The following PVT1 variants were observed in gnomAD, a reference collection of about 807,000 sequenced individuals.
PVT1 encodes Pvt1 oncogene.
chr8:127,944,644 G>T (rs561274362), intron 3 of PVT1, among the ~76,000 whole-genome samples: 2 of 152,062 alleles, frequency 1.3e-5, no homozygotes, highest in East Asian at 3.9e-4. Context: ...GACAAAAGCA[G>T]CCAGCCAGCT....
chr8:127,980,432 G>A (rs1816870146), intron 3 of PVT1, among the ~76,000 whole-genome samples: 1 of 152,092 alleles, frequency 6.6e-6, no homozygotes, highest in South Asian at 2.1e-4. Context: ...GCATACTGGG[G>A]GCGTGACTTC....
At position 127,812,104 on chromosome 8, in the gene PVT1, G is replaced by A. The variant is rs542120453; in HGVS notation, n.372+16033G>A. Among the ~76,000 whole-genome samples the A allele has an allele frequency of 9.3e-5, 13 of 139,704 alleles. No homozygotes were observed. The South Asian group carries it at 2.7e-3, about 29-fold the overall frequency. The allele number at this position is 139,704 out of a possible 152,430, so 91.7% of individuals were successfully genotyped here. A position where few individuals can be genotyped will look rare whatever the true frequency, so the allele number is the denominator to read the frequency against. On this transcript the variant is annotated intron_variant and non_coding_transcript_variant, in intron 2 of 10. Transcript: ENST00000651587. ...AGCCTGGGTGACAGGGTGAGACATC[G>A]TCTCAAAAGAAAAGAAAGGAAAAGA...
At chr8:127,826,999 T>TTTTA (rs1362798935) in intron 2 of PVT1, among the ~76,000 whole-genome samples, 2 of 143,778 alleles carry the variant, frequency 1.4e-5, no homozygotes, top group Non-Finnish European at 3.0e-5. Flanking sequence ...TTTCTCTTTT[T>TTTTA]TTTTTTTTTT....
At chr8:128,040,080 T>C (rs1813512963) in intron 4 of PVT1, among the ~76,000 whole-genome samples, 1 of 152,190 alleles carries the variant, frequency 6.6e-6, no homozygotes, top group Non-Finnish European at 1.5e-5. Flanking sequence ...GACATCCAAG[T>C]GGAGACAGTA....
At chr8:127,956,000 T>C (rs1486121317) in intron 3 of PVT1, among the ~76,000 whole-genome samples, 1 of 152,272 alleles carries the variant, frequency 6.6e-6, no homozygotes, top group Non-Finnish European at 1.5e-5. Context: ...AGTTGGCCTC[T>C]AGGCCTTTGA....
At chr8:127,861,568 T>G (rs1299338781) in intron 2 of PVT1, among the ~76,000 whole-genome samples, 1 of 152,208 alleles carries the variant, frequency 6.6e-6, no homozygotes. Flanking sequence ...ATGTTTTTTT[T>G]TTTAACTTAT....
At position 128,013,607 on chromosome 8, in the gene PVT1, A is replaced by G. The variant is rs1817339644; in HGVS notation, n.912+24316A>G. On this transcript the variant is annotated intron_variant and non_coding_transcript_variant, in intron 4 of 10. Transcript: ENST00000651587. Reference sequence around the variant, plus strand: ...TGAACTTTGAAGAGGACAGATGATGACAAGAGGAAGTGGAAATAGGCTAGG... The same window carrying G: ...TGAACTTTGAAGAGGACAGATGATGGCAAGAGGAAGTGGAAATAGGCTAGG... Among the ~76,000 whole-genome samples the G allele has an allele frequency of 1.3e-5, 2 of 152,244 alleles. 1 individual carries two copies. Among genetic ancestry groups the G allele is most frequent in the South Asian group, 4.1e-4 (2 of 4,832 alleles).
chr8:127,925,931 G>A (rs148414059), intron 3 of PVT1, among the ~76,000 whole-genome samples: 1,562 of 152,318 alleles, frequency 0.01, 26 homozygotes, highest in African/African-American at 0.035. Flanking sequence ...ATGAGCCACC[G>A]TGCCCAGGTG....
intron 4 of PVT1, among the ~76,000 whole-genome samples, chr8:128,017,046 GGT>G (rs1563666709): frequency 6.6e-6 from 1 of 152,140 alleles, no homozygotes. Flanking sequence ...TTTCCAAGAT[GGT>G]GTAGAACATC....
chr8:128,068,641 A>G (rs1042947641), intron 4 of PVT1, among the ~76,000 whole-genome samples: 1 of 152,116 alleles, frequency 6.6e-6, no homozygotes, highest in African/African-American at 2.4e-5. Context: ...GATTACAGGT[A>G]CATGCCACCA....
At chr8:128,036,486 G>GGATT (rs1170829860) in intron 4 of PVT1, among the ~76,000 whole-genome samples, 1 of 152,212 alleles carries the variant, frequency 6.6e-6, no homozygotes, top group African/African-American at 2.4e-5. Context: ...CTTCTGGATA[G>GGATT]GATTGATAGG....
At chr8:127,967,550 G>T (rs989412109) in intron 3 of PVT1, among the ~76,000 whole-genome samples, 1 of 152,216 alleles carries the variant, frequency 6.6e-6, no homozygotes, top group African/African-American at 2.4e-5. Context: ...CTTCTGCCTG[G>T]CATCTACCAC....
intron 4 of PVT1, among the ~76,000 whole-genome samples, chr8:128,041,592 G>A (rs55636804): frequency 0.59 from 86,574 of 147,764 alleles, 25,802 homozygotes; most frequent in East Asian, 0.78. Flanking sequence ...GTGTGTTTGC[G>A]TGTGTGTACA....
At chr8:127,980,791 CTTT>C (rs11361552) in intron 3 of PVT1, among the ~76,000 whole-genome samples, 1,264 of 120,400 alleles carry the variant, frequency 0.01, 10 homozygotes, top group African/African-American at 0.038. Flanking sequence ...ACTACAGCTT[CTTT>C]TTTTTTTTTT....
At chr8:127,949,812 C>T (rs578260825) in intron 3 of PVT1, among the ~76,000 whole-genome samples, 79 of 152,344 alleles carry the variant, frequency 5.2e-4, no homozygotes, top group African/African-American at 1.8e-3. Flanking sequence ...GGCCCAGTGC[C>T]GGCTGTGGAG....
At chr8:127,821,728 C>T (rs561363055) in intron 2 of PVT1, among the ~76,000 whole-genome samples, 18 of 151,856 alleles carry the variant, frequency 1.2e-4, no homozygotes, top group Non-Finnish European at 2.2e-4. Context: ...AGGAGAATGG[C>T]GTGAATCCGG....
chr8:127,919,423 C>T (rs1413247132), intron 3 of PVT1, among the ~76,000 whole-genome samples: 2 of 152,216 alleles, frequency 1.3e-5, no homozygotes, highest in African/African-American at 2.4e-5. Flanking sequence ...CTTAGCGACA[C>T]AGTCTGTTTA....
At chr8:127,977,507 C>T (rs1375971551) in intron 3 of PVT1, among the ~76,000 whole-genome samples, 3 of 152,064 alleles carry the variant, frequency 2.0e-5, no homozygotes, top group South Asian at 2.1e-4. Context: ...CTGAGGTGGG[C>T]GGATCACTTG....
chr8:128,067,950 T>A, intron 4 of PVT1, among the ~76,000 whole-genome samples: 1 of 94,138 alleles, frequency 1.1e-5, no homozygotes, highest in Non-Finnish European at 2.2e-5. Context: ...TAACATACTT[T>A]GTGTTTTTTT....
Sources: allele counts gnomAD v4.1 joint callset (sites outside exome capture counted in the v4.1 genomes callset), GRCh38; gene constraint gnomAD v4.1.1; transcripts MANE v1.5; gene names NCBI Gene and HGNC (gene_info 2026-07-23, HGNC 2026-07-21).